The following ELF1 variants were observed in gnomAD, a reference collection of about 807,000 sequenced individuals.
ELF1 encodes the protein ETS-related transcription factor Elf-1.
ELF1 carries 24 observed loss-of-function variants against 59.9 expected under a neutral mutation model. The observed-to-expected ratio is 0.40, with a 90% CI of 0.29 to 0.56. ELF1 has a LOEUF of 0.56. Ranked by LOEUF, ELF1 falls within the 20% of genes least tolerant of loss-of-function variation. The pLI, the probability that ELF1 is intolerant of heterozygous loss-of-function variation, is 0.44. For missense variants in ELF1, 627 were observed against 742.2 expected, an observed-to-expected ratio of 0.84 and a Z score of 1.80; for synonymous variants, 248 against 266.2, an observed-to-expected ratio of 0.93 and a Z score of 0.67.
Position 41,047,305 on chromosome 13 carries a change from G to A in ELF1, c.-229+13533C>T, listed in dbSNP as rs182285736. Among the ~76,000 whole-genome samples the A allele has an allele frequency of 1.1e-4, 16 of 152,336 alleles. 1 individual carries two copies. The highest frequency in any genetic ancestry group is 1.0e-3 in the Admixed American group (16 of 15,300). ...TCAAAGTCATTCTCCGTCCAGCTTT[G>A]TTCCGTTGCTGGCGAGGAGCTGCAT... On this transcript the variant is annotated intron_variant, in intron 1 of 1. Coordinates refer to the ELF1 transcript ENST00000405737.
chr13:41,033,818 T>C (rs1251791864), intron 1 of ELF1, among the ~76,000 whole-genome samples: 2 of 152,226 alleles, frequency 1.3e-5, no homozygotes, highest in Non-Finnish European at 2.9e-5. Context: ...CTGAATACTA[T>C]ATGATTCCAT....
At chr13:40,985,765 TCTAAC>T (rs1475660963) in intron 1 of ELF1, among the ~76,000 whole-genome samples, 1 of 152,198 alleles carries the variant, frequency 6.6e-6, no homozygotes, top group African/African-American at 2.4e-5. Flanking sequence ...AGGCTTCTGT[TCTAAC>T]CTAACAAATT....
intron 1 of ELF1, among the ~76,000 whole-genome samples, chr13:41,043,326 ATTTTGGCTTTTGTTGCCATTGC>A (rs1319342405): frequency 6.6e-6 from 1 of 152,110 alleles, no homozygotes; most frequent in Non-Finnish European, 1.5e-5. Context: ...CCATTTGTCA[ATTTTGGCTTTTGTTGCCATTGC>A]TTTTGGTGTT....
At chr13:41,024,102 T>G (rs1350215921), upstream of ELF1, among the ~76,000 whole-genome samples, 1 of 152,210 alleles carries the variant, frequency 6.6e-6, no homozygotes, top group Non-Finnish European at 1.5e-5. Flanking sequence ...CTCAAGTTGT[T>G]TGTATAGACA....
chr13:41,059,439 C>T (rs1006894300), intron 1 of ELF1, among the ~76,000 whole-genome samples: 8 of 152,152 alleles, frequency 5.3e-5, no homozygotes, highest in African/African-American at 1.9e-4. Context: ...CTTTTTCTTT[C>T]TTTTTAACAA....
At chr13:40,943,807 G>A (rs771098060) in intron 6 of ELF1, 35 bp downstream of exon 6, 1 of 1,569,580 alleles carries the variant, frequency 6.4e-7, no homozygotes, top group African/African-American at 1.4e-5. Context: ...AGCAATCTGA[G>A]TGTTATTTGA....
At chr13:40,938,601 T>C (rs921096219) in intron 8 of ELF1, among the ~76,000 whole-genome samples, 7 of 152,198 alleles carry the variant, frequency 4.6e-5, no homozygotes, top group Non-Finnish European at 1.0e-4. Context: ...TCCACATCTA[T>C]AAAACGGGGA....
In ELF1 at chr13:41,017,581, T is replaced by C. The variant is rs192101380; in HGVS notation, c.-229+1647A>G. Among the ~76,000 whole-genome samples, 49 of 152,252 alleles carry C rather than the reference T, an allele frequency of 3.2e-4. 1 individual carries two copies. Among genetic ancestry groups the C allele is most frequent in the Non-Finnish European group, 1.2e-4 (8 of 68,016 alleles). On this transcript the variant is annotated intron_variant, in intron 1 of 8. Transcript: ENST00000239882. ...TGGTCTTTTCTTGGTTCTCTTCTTT[T>C]TACCCCCCCTTCTCCCTTCTCCTTG...
At position 40,958,893 on chromosome 13, in the gene ELF1, G is replaced by A; in HGVS notation, c.196C>T (p.Leu66=). 1 of 1,614,046 alleles carries A rather than the reference G, an allele frequency of 6.2e-7. No individual in the cohort carries two copies. The highest frequency in any genetic ancestry group is 8.5e-7 in the Non-Finnish European group (1 of 1,180,010). ...EPNDMITESS[L]DVAEEEIIDD... is the part of the protein sequence containing the mutation. ...ATGATTTCTTCTTCAGCAACATCCAGTGAACTCTCAGTAATCATGTCATTG... is the reference window on the plus strand; with the variant it reads ...ATGATTTCTTCTTCAGCAACATCCAATGAACTCTCAGTAATCATGTCATTG... Residue 66 remains leucine, a synonymous_variant, in exon 3 of 9, where the codon CTG becomes TTG. Coordinates refer to ENST00000239882, the MANE Select transcript of ELF1 (RefSeq NM_172373.4).
chr13:41,020,166 C>T (rs1301735298), upstream of ELF1, among the ~76,000 whole-genome samples: 1 of 152,242 alleles, frequency 6.6e-6, no homozygotes, highest in African/African-American at 2.4e-5. Context: ...AAGGGGACAA[C>T]TGTGGCCAGT....
intron 1 of ELF1, among the ~76,000 whole-genome samples, chr13:41,000,304 ACAGTGT>A (rs1457322083): frequency 7.6e-6 from 1 of 131,066 alleles, no homozygotes; most frequent in Admixed American, 9.3e-5. Context: ...AGGCTAAAGC[ACAGTGT>A]CATTATCTCC....
At chr13:40,938,534 C>G (rs923523629) in intron 8 of ELF1, among the ~76,000 whole-genome samples, 7 of 152,188 alleles carry the variant, frequency 4.6e-5, no homozygotes, top group Non-Finnish European at 1.0e-4. Flanking sequence ...CATTAAAATA[C>G]TATCTCCACC....
chr13:41,031,033 C>A (rs1240594967), intron 1 of ELF1, among the ~76,000 whole-genome samples: 1 of 148,372 alleles, frequency 6.7e-6, no homozygotes, highest in African/African-American at 2.5e-5. Flanking sequence ...CATGGTGGTG[C>A]GTGCCTGGGG....
Position 40,941,317 on chromosome 13 carries a change from T to TA in ELF1, c.859dup (p.Tyr287LeufsTer4). Reference sequence around the variant, plus strand: ...ATCTTTTGGCATTTCTTTAAACTGATACACCAAGCGCTGACCTTCCACTTT... The same window carrying TA: ...ATCTTTTGGCATTTCTTTAAACTGATAACACCAAGCGCTGACCTTCCACTTT... On this transcript the variant is annotated frameshift_variant, in exon 8 of 9. Transcript: ENST00000239882. LOFTEE classifies it high-confidence loss of function. The TA allele has an allele frequency of 6.2e-7, 1 of 1,613,498 alleles. No homozygotes were observed. The highest frequency in any genetic ancestry group is 8.5e-7 in the Non-Finnish European group (1 of 1,179,912).
At chr13:40,996,405 C>T (rs572266943) in intron 1 of ELF1, among the ~76,000 whole-genome samples, 8 of 152,270 alleles carry the variant, frequency 5.3e-5, no homozygotes, top group South Asian at 4.1e-4. Flanking sequence ...TTGTAAGCAA[C>T]GAAGATGTCC....
intron 1 of ELF1, among the ~76,000 whole-genome samples, chr13:41,018,833 T>C (rs1342730174): frequency 6.6e-6 from 1 of 152,190 alleles, no homozygotes; most frequent in African/African-American, 2.4e-5. Context: ...TTAACATCTA[T>C]ATCACACAGG....
intron 8 of ELF1, among the ~76,000 whole-genome samples, chr13:40,940,225 A>C (rs1044526921): frequency 6.6e-6 from 1 of 152,112 alleles, no homozygotes; most frequent in African/African-American, 2.4e-5. Flanking sequence ...AAAATGCTAC[A>C]AATATCCATA....
At chr13:41,008,303 T>A (rs1329235194) in intron 1 of ELF1, among the ~76,000 whole-genome samples, 8 of 152,176 alleles carry the variant, frequency 5.3e-5, no homozygotes, top group Non-Finnish European at 8.8e-5. Context: ...GAATTGGATA[T>A]CTGGCAGAAA....
intron 3 of ELF1, among the ~76,000 whole-genome samples, chr13:40,954,590 G>A (rs1871092658): frequency 6.6e-6 from 1 of 152,010 alleles, no homozygotes; most frequent in South Asian, 2.1e-4. Flanking sequence ...TGCGATTGCA[G>A]GCGCGCGCCG....
Sources: allele counts gnomAD v4.1 joint callset (sites outside exome capture counted in the v4.1 genomes callset), GRCh38; gene constraint gnomAD v4.1.1; transcripts MANE v1.5; gene names NCBI Gene and HGNC (gene_info 2026-07-23, HGNC 2026-07-21).